Variants in PPP2R2C observed in about 807,000 individuals in gnomAD.
PPP2R2C encodes the protein protein phosphatase 2, regulatory subunit B, gamma.
In PPP2R2C, 10 loss-of-function variants were observed where a neutral mutation model predicts 45.3. The observed-to-expected ratio is 0.22, with a 90% CI of 0.14 to 0.37. The LOEUF (loss-of-function observed/expected upper bound fraction) is 0.37, where lower values mean the gene tolerates loss of function less well. Among genes scored for constraint, PPP2R2C ranks in the 10% least tolerant of loss-of-function variants. PPP2R2C has a pLI of 1.00. For synonymous variants in PPP2R2C, 257 were observed against 245.4 expected (o/e 1.05, Z -0.44); for missense variants, 308 against 619.7 (o/e 0.50, Z 5.34).
At chr4:6,474,528 A>G (rs1250454113), upstream of PPP2R2C, among the ~76,000 whole-genome samples, 2 of 151,882 alleles carry the variant, frequency 1.3e-5, no homozygotes, top group Non-Finnish European at 2.9e-5. Flanking sequence ...TCCTGCCAAA[A>G]CACCCACCCT....
chr4:6,407,394 T>G (rs7437424), intron 1 of PPP2R2C, among the ~76,000 whole-genome samples: 363 of 152,042 alleles, frequency 2.4e-3, no homozygotes, highest in African/African-American at 5.0e-3. Flanking sequence ...CCCAACTGGT[T>G]TTTTTGTTTG....
chr4:6,405,823 T>C (rs983667755), intron 1 of PPP2R2C, among the ~76,000 whole-genome samples: 7 of 152,076 alleles, frequency 4.6e-5, no homozygotes, highest in African/African-American at 1.4e-4. Context: ...AGCGTGGCCA[T>C]GGGGAACGGC....
chr4:6,431,930 G>A (rs1045031364), intron 1 of PPP2R2C, among the ~76,000 whole-genome samples: 1 of 152,140 alleles, frequency 6.6e-6, no homozygotes, highest in African/African-American at 2.4e-5. Context: ...AAGCTTCAGT[G>A]TCTGGGGAGG....
intron 1 of PPP2R2C, among the ~76,000 whole-genome samples, chr4:6,470,117 C>T (rs768969867): frequency 6.6e-6 from 1 of 152,218 alleles, no homozygotes; most frequent in African/African-American, 2.4e-5. Flanking sequence ...AACCTCCAGA[C>T]CCTGTAGGCA....
intron 1 of PPP2R2C, among the ~76,000 whole-genome samples, chr4:6,412,850 G>T (rs1718278500): frequency 6.6e-6 from 1 of 152,152 alleles, no homozygotes; most frequent in African/African-American, 2.4e-5. Flanking sequence ...GCCTACAAAA[G>T]CTCCCTTGCC....
At chr4:6,400,384 G>T (rs1421804055) in intron 1 of PPP2R2C, among the ~76,000 whole-genome samples, 1 of 152,126 alleles carries the variant, frequency 6.6e-6, no homozygotes, top group Non-Finnish European at 1.5e-5. Context: ...CATGTAATGG[G>T]TTTACACTTT....
intron 1 of PPP2R2C, among the ~76,000 whole-genome samples, chr4:6,400,743 A>G (rs1476577506): frequency 6.6e-6 from 1 of 152,264 alleles, no homozygotes; most frequent in Non-Finnish European, 1.5e-5. Flanking sequence ...TATGCCATTC[A>G]TCACAAGATG....
intron 1 of PPP2R2C, chr4:6,384,009 C>T: frequency 1.0e-6 from 1 of 985,640 alleles, no homozygotes; most frequent in Non-Finnish European, 1.2e-6. Flanking sequence ...GACAGATGCA[C>T]ATGTCACTGA....
At chr4:6,325,913 G>T (rs1046691298) in intron 8 of PPP2R2C, among the ~76,000 whole-genome samples, 4 of 151,558 alleles carry the variant, frequency 2.6e-5, no homozygotes, top group Non-Finnish European at 4.4e-5. Flanking sequence ...CACCCGTGGC[G>T]CCTGTAATCC....
rs138773353 is a variant in PPP2R2C at position 6,488,605 on chromosome 4, A to T, written c.49+46666T>A. Among the ~76,000 whole-genome samples the T allele has an allele frequency of 7.7e-3, 1,166 of 152,184 alleles. 16 individuals carry two copies. The highest frequency in any genetic ancestry group is 0.026 in the African/African-American group (1,078 of 41,510). Reference sequence around the variant, plus strand: ...AGGCTGAAGCAGGAGGATGGCTTGAACTTGGGAGATCAAGGCTGCTGTGAG... The same window carrying T: ...AGGCTGAAGCAGGAGGATGGCTTGATCTTGGGAGATCAAGGCTGCTGTGAG... On this transcript the variant is annotated intron_variant, in intron 2 of 9. Transcript: ENST00000506140.
At chr4:6,435,428 C>T (rs983867900) in intron 1 of PPP2R2C, among the ~76,000 whole-genome samples, 2 of 152,206 alleles carry the variant, frequency 1.3e-5, no homozygotes, top group African/African-American at 4.8e-5. Flanking sequence ...TGTGATTGCT[C>T]AATTATTTTT....
chr4:6,450,639 C>T (rs1425938151), intron 1 of PPP2R2C, among the ~76,000 whole-genome samples: 1 of 152,174 alleles, frequency 6.6e-6, no homozygotes, highest in Admixed American at 6.5e-5. Flanking sequence ...TGCCTGGAGC[C>T]CCAGAGGTGC....
chr4:6,469,811 T>G (rs1367543948), intron 1 of PPP2R2C, among the ~76,000 whole-genome samples: 4 of 152,212 alleles, frequency 2.6e-5, no homozygotes, highest in Non-Finnish European at 5.9e-5. Context: ...AAAGTGTGTT[T>G]TTCATTAGGG....
Position 6,472,349 on chromosome 4 carries a change from G to A in PPP2R2C, c.-120C>T, listed in dbSNP as rs1325926345. Reference sequence around the variant, plus strand: ...GCCTAGCAGGGGCGCGGGCCGCCGGGGCCCCGAAGGGAGGGCATCGCGGCA... The same window carrying A: ...GCCTAGCAGGGGCGCGGGCCGCCGGAGCCCCGAAGGGAGGGCATCGCGGCA... On this transcript the variant is annotated 5_prime_UTR_variant, in exon 1 of 9. Transcript: ENST00000382599. 2.0e-5 allele frequency: 25 copies of A among 1,240,936 alleles called. No homozygotes were observed. Among genetic ancestry groups the A allele is most frequent in the Non-Finnish European group, 2.4e-5 (24 of 989,516 alleles). 76.9% of individuals were successfully genotyped at this position (1,240,936 alleles called of 1,614,324 possible).
At chr4:6,382,671 T>TCA (rs1715919032) in intron 1 of PPP2R2C, 3 of 137,438 alleles carry the variant, frequency 2.2e-5, no homozygotes, top group Non-Finnish European at 3.8e-5. Context: ...TCTCTCTCTC[T>TCA]CTCTCACACA....
In PPP2R2C at chr4:6,344,096, T is replaced by C. The variant is rs368318356; in HGVS notation, c.790+3750A>G. 8.5e-5 allele frequency among the ~76,000 whole-genome samples: 13 copies of C among 152,322 alleles called. 2 individuals are homozygous for C. Among genetic ancestry groups the C allele is most frequent in the Admixed American group, 2.6e-4 (4 of 15,304 alleles). On this transcript the variant is annotated intron_variant, in intron 6 of 8. Transcript: ENST00000382599. ...CCTTGGGGATTTGTCAGCAAGGACC[T>C]GGCCCCAAGGTCGCCCAGGCACAAT... is the stretch of plus-strand genomic sequence containing the variant.
chr4:6,392,691 C>G (rs990531599), intron 1 of PPP2R2C, among the ~76,000 whole-genome samples: 3 of 152,146 alleles, frequency 2.0e-5, no homozygotes, highest in African/African-American at 7.2e-5. Flanking sequence ...GGTCCTGCAC[C>G]CAGCAGGCCG....
chr4:6,402,041 G>C (rs1038232155), intron 1 of PPP2R2C, among the ~76,000 whole-genome samples: 3 of 152,210 alleles, frequency 2.0e-5, no homozygotes, highest in African/African-American at 7.2e-5. Flanking sequence ...GCGCATTGAG[G>C]TTAATGATGT....
At chr4:6,487,114 T>G (rs1157895868) in intron 2 of PPP2R2C, among the ~76,000 whole-genome samples, 2 of 152,096 alleles carry the variant, frequency 1.3e-5, no homozygotes, top group East Asian at 3.8e-4. Context: ...AAGATACTTA[T>G]ACTTACTTAT....
Sources: allele counts gnomAD v4.1 joint callset (sites outside exome capture counted in the v4.1 genomes callset), GRCh38; gene constraint gnomAD v4.1.1; transcripts MANE v1.5; gene names NCBI Gene and HGNC (gene_info 2026-07-23, HGNC 2026-07-21).